The following TTLL10 variants were observed in gnomAD, a reference collection of about 807,000 sequenced individuals.
TTLL10 encodes inactive polyglycylase TTLL10.
TTLL10 carries 61 observed loss-of-function variants against 69.0 expected under a neutral mutation model. That is an observed-to-expected ratio of 0.88 (90% CI 0.72 to 1.09). The LOEUF (loss-of-function observed/expected upper bound fraction) is 1.09, where lower values mean the gene tolerates loss of function less well. TTLL10 is among the 50% of genes least tolerant of loss of function. TTLL10 has a pLI of 0.00. For missense variants in TTLL10, 962 were observed against 945.9 expected, an observed-to-expected ratio of 1.02 and a Z score of -0.22; for synonymous variants, 408 against 393.3, an observed-to-expected ratio of 1.04 and a Z score of -0.44.
intron 13 of TTLL10, chr1:1,196,285 T>G (rs1648202256): frequency 5.9e-6 from 2 of 340,338 alleles, no homozygotes; most frequent in Admixed American, 8.2e-5. Context: ...AATTCACAGT[T>G]CTTACCAAGA....
chr1:1,180,178 G>A lies in TTLL10; in HGVS notation c.344G>A (p.Gly115Glu). 6.2e-7 allele frequency: 1 copy of A among 1,611,362 alleles called. No individual in the cohort carries two copies. Residue 115 changes from glycine to glutamate, a missense_variant, in exon 6 of 16, where the codon GGG becomes GAG. Gly to Glu is a moderately conservative substitution (Grantham distance 98). Coordinates refer to ENST00000379289, the MANE Select transcript of TTLL10 (RefSeq NM_001130045.2). ...GCCTCTGCCACACCCGGACCCCCTG[G>A]GCTCCTGAACAGCCACCGGCCTGCA... Reference protein sequence around the residue: ...ERASATPGPPGLLNSHRPADS... With the variant: ...ERASATPGPPELLNSHRPADS...
intron 12 of TTLL10, among the ~76,000 whole-genome samples, chr1:1,184,453 C>T (rs1472493602): frequency 2.6e-5 from 4 of 152,178 alleles, no homozygotes; most frequent in South Asian, 4.1e-4. Flanking sequence ...AGAGGAGGGG[C>T]CCTGTGGGCA....
chr1:1,179,151 G>T, intron 3 of TTLL10, 38 bp from the exon 4 acceptor site: 1 of 1,370,494 alleles, frequency 7.3e-7, no homozygotes, highest in Non-Finnish European at 9.8e-7. Flanking sequence ...GCCGCGCGGA[G>T]GTCCCACAGG....
intron 12 of TTLL10, 115 bp downstream of exon 12, chr1:1,184,206 C>T (rs968170071): frequency 2.5e-5 from 36 of 1,441,968 alleles, no homozygotes; most frequent in East Asian, 1.1e-4. Flanking sequence ...TGGCCCAGGC[C>T]GGGAGGTGTC....
rs1304685233 is a variant in TTLL10, at chr1:1,180,507, G to A, written c.531G>A (p.Lys177=). 2 of 1,546,240 alleles carry A rather than the reference G, an allele frequency of 1.3e-6. No homozygotes were observed. Among genetic ancestry groups the A allele is most frequent in the Non-Finnish European group, 1.7e-6 (2 of 1,145,608 alleles). Residue 177 remains lysine, a synonymous_variant, in exon 7 of 16, where the codon AAG becomes AAA. Coordinates refer to ENST00000379289, the MANE Select transcript of TTLL10 (RefSeq NM_001130045.2). ...GCATCAGCTCCTACTGCAAAAGCAA[G>A]GGCTGGCAGCGCATCCATGACAGCC... is the stretch of plus-strand genomic sequence containing the variant. ...ATIISSYCKS[K]GWQRIHDSRR...
intron 11 of TTLL10, 58 bp downstream of exon 11, chr1:1,183,105 T>C: frequency 6.6e-7 from 1 of 1,519,392 alleles, no homozygotes; most frequent in Non-Finnish European, 8.8e-7. Context: ...CGGGCCCCAC[T>C]GGTGCAGTCA....
Position 1,179,353 on chromosome 1 carries a change from G to C in TTLL10, c.118+20G>C. The C allele has an allele frequency of 6.5e-7, 1 of 1,548,276 alleles. No homozygotes were observed. Among genetic ancestry groups the C allele is most frequent in the African/African-American group, 1.4e-5 (1 of 73,094 alleles). Reference sequence around the variant, plus strand: ...TCTCAGGTGAATAGAGCAGCCCTGGGTGGCCTCCTACCTCTCCAAGGCCAA... The same window carrying C: ...TCTCAGGTGAATAGAGCAGCCCTGGCTGGCCTCCTACCTCTCCAAGGCCAA... On this transcript the variant is annotated intron_variant, in intron 4 of 15. Transcript: ENST00000379289.
Position 1,181,881 on chromosome 1 carries a change from G to T in TTLL10, c.830+66G>T. 1 of 1,455,294 alleles carries T rather than the reference G, an allele frequency of 6.9e-7. No homozygotes were observed. Among genetic ancestry groups the T allele is most frequent in the South Asian group, 1.2e-5 (1 of 81,566 alleles). The allele number at this position is 1,455,294 out of a possible 1,614,324, so 90.1% of individuals were successfully genotyped here. ...TTCAGACCTAAACCTGGTGTCGTCT[G>T]AAAAGGAGAAAGCGGGGCGGGGGTC... On this transcript the variant is annotated intron_variant, in intron 9 of 15. Transcript: ENST00000379289. The surrounding 1 kb of genome is among the most constrained non-coding windows in gnomAD (Gnocchi z 4.6).
In TTLL10 at chr1:1,182,959, G is replaced by T. The variant is rs776052443; in HGVS notation, c.1000G>T (p.Ala334Ser). The T allele has an allele frequency of 3.1e-6, 5 of 1,604,120 alleles. No homozygotes were observed. The highest frequency in any genetic ancestry group is 4.3e-6 in the Non-Finnish European group (5 of 1,175,992). Residue 334 changes from alanine to serine, a missense_variant, in exon 11 of 16, where the codon GCC becomes TCC. Transcript: ENST00000379289. ...GCTCCGGAACCAGGAGGAAGTTGCC[G>T]CCCTGCAGGCCAAGACCCGGAGCAT... Reference protein sequence around the residue: ...FLLRNQEEVAALQAKTRSMED... With the variant: ...FLLRNQEEVASLQAKTRSMED...
At chr1:1,184,923 C>T in intron 12 of TTLL10, 46 bp from the exon 13 acceptor site, 1 of 1,372,066 alleles carries the variant, frequency 7.3e-7, no homozygotes, top group Non-Finnish European at 9.9e-7. Flanking sequence ...AGGACAGGCC[C>T]TCCGGACAGT....
chr1:1,187,904 C>CAA (rs35247267), intron 13 of TTLL10, among the ~76,000 whole-genome samples: 2 of 135,186 alleles, frequency 1.5e-5, no homozygotes, highest in Non-Finnish European at 3.2e-5. Flanking sequence ...GACTCCATCT[C>CAA]AAAAAAAAAA....
At chr1:1,194,893 C>T (rs1319495825) in intron 13 of TTLL10, among the ~76,000 whole-genome samples, 4 of 152,164 alleles carry the variant, frequency 2.6e-5, no homozygotes, top group Non-Finnish European at 5.9e-5. Flanking sequence ...GCTCCTTTCT[C>T]TTCTCTCCTT....
chr1:1,179,954 G>A, intron 5 of TTLL10, 80 bp from the exon 6 acceptor site: 8 of 1,445,540 alleles, frequency 5.5e-6, no homozygotes, highest in African/African-American at 1.4e-5. Flanking sequence ...AAATGGGCTG[G>A]GAGCAAACTG....
chr1:1,190,982 C>T (rs1029904289), intron 13 of TTLL10, among the ~76,000 whole-genome samples: 2 of 152,140 alleles, frequency 1.3e-5, no homozygotes, highest in Non-Finnish European at 2.9e-5. Flanking sequence ...CCTGCCACCA[C>T]GCCTGGCTAA....
At chr1:1,180,458 T>TGCCCCCCCCCCCCC in intron 6 of TTLL10, 25 bp from the exon 7 acceptor site, 1 of 942,122 alleles carries the variant, frequency 1.1e-6, no homozygotes, top group Non-Finnish European at 1.5e-6. Context: ...GGCCCCCAGG[T>TGCCCCCCCCCCCCC]CACCCCCGCC....
chr1:1,178,938 A>G (rs1045233372), intron 3 of TTLL10, among the ~76,000 whole-genome samples: 63 of 152,212 alleles, frequency 4.1e-4, no homozygotes, highest in African/African-American at 1.4e-3. Context: ...CCACACCTGA[A>G]GAGCCGCTCC....
At chr1:1,192,760 C>T (rs1410323191) in intron 13 of TTLL10, among the ~76,000 whole-genome samples, 1 of 150,364 alleles carries the variant, frequency 6.7e-6, no homozygotes, top group Non-Finnish European at 1.5e-5. Context: ...AGTGTAGACA[C>T]TCCAGTTGTT....
chr1:1,186,932 C>T (rs1348379998), intron 13 of TTLL10, among the ~76,000 whole-genome samples: 1 of 151,494 alleles, frequency 6.6e-6, no homozygotes, highest in Non-Finnish European at 1.5e-5. Context: ...CTGCAAGCTC[C>T]GCCTCCCGGG....
chr1:1,186,466 T>C (rs979498375), intron 13 of TTLL10, among the ~76,000 whole-genome samples: 3 of 152,218 alleles, frequency 2.0e-5, no homozygotes, highest in African/African-American at 7.2e-5. Context: ...AGTTTTATTA[T>C]TGAGCTGTTA....
Sources: gnomAD v4.1 joint callset for allele counts (sites outside exome capture counted in the v4.1 genomes callset) on GRCh38, gnomAD v4.1.1 for gene constraint, Gnocchi (gnomAD v3.1) non-coding constraint, MANE v1.5 for transcripts, NCBI Gene and HGNC (gene_info 2026-07-23, HGNC 2026-07-21) for gene names.